The following HS6ST3 variants were observed in gnomAD, a reference collection of about 807,000 sequenced individuals.
The protein encoded by HS6ST3 is heparan-sulfate 6-O-sulfotransferase 3.
Under a neutral mutation model 36.7 loss-of-function variants are expected in HS6ST3, and 12 were observed. That is an observed-to-expected ratio of 0.33 (90% CI 0.21 to 0.53). The LOEUF is 0.53. Among genes scored for constraint, HS6ST3 ranks in the 20% least tolerant of loss-of-function variants. The pLI is 0.95. For synonymous variants in HS6ST3, 240 were observed against 257.5 expected, an observed-to-expected ratio of 0.93 and a Z score of 0.65; for missense variants, 584 against 640.9, an observed-to-expected ratio of 0.91 and a Z score of 0.96.
chr13:96,509,363 A>C (rs919445126), intron 1 of HS6ST3, among the ~76,000 whole-genome samples: 1 of 151,836 alleles, frequency 6.6e-6, no homozygotes, highest in Non-Finnish European at 1.5e-5. Flanking sequence ...ATTAGGTCCC[A>C]TTATTTTTCT....
chr13:96,349,484 T>A (rs1299100060), intron 1 of HS6ST3, among the ~76,000 whole-genome samples: 1 of 152,214 alleles, frequency 6.6e-6, no homozygotes, highest in African/African-American at 2.4e-5. Flanking sequence ...TGAAATAGAA[T>A]GTCACAACAC....
chr13:96,817,614 G>A (rs1005174602), intron 1 of HS6ST3, among the ~76,000 whole-genome samples: 1 of 152,134 alleles, frequency 6.6e-6, no homozygotes, highest in Admixed American at 6.6e-5. Context: ...TTGGATTTTT[G>A]TTGATGGGTC....
chr13:96,686,373 G>T (rs562957606), intron 1 of HS6ST3, among the ~76,000 whole-genome samples: 12 of 152,122 alleles, frequency 7.9e-5, no homozygotes, highest in Middle Eastern at 3.4e-3. Context: ...AAACAGTGCT[G>T]AAATGGTATT....
chr13:96,581,692 A>T (rs1238476166), intron 1 of HS6ST3, among the ~76,000 whole-genome samples: 1 of 152,230 alleles, frequency 6.6e-6, no homozygotes, highest in Non-Finnish European at 1.5e-5. Context: ...AAGGTAATGA[A>T]CAATGTTGAT....
chr13:96,571,607 T>C (rs1012815137), intron 1 of HS6ST3, among the ~76,000 whole-genome samples: 2 of 152,204 alleles, frequency 1.3e-5, no homozygotes, highest in African/African-American at 4.8e-5. Context: ...TCTCTGCTAT[T>C]CTTGCCAAAG....
intron 1 of HS6ST3, among the ~76,000 whole-genome samples, chr13:96,326,803 A>G (rs1449913683): frequency 4.6e-5 from 7 of 151,578 alleles, no homozygotes; most frequent in African/African-American, 1.7e-4. Flanking sequence ...CAACAGTGTA[A>G]AAGTGTTCCT....
chr13:96,179,568 A>T (rs1437995888), intron 1 of HS6ST3, among the ~76,000 whole-genome samples: 1 of 152,198 alleles, frequency 6.6e-6, no homozygotes, highest in African/African-American at 2.4e-5. Context: ...GCATTCACAG[A>T]GTTAATAGTC....
intron 1 of HS6ST3, among the ~76,000 whole-genome samples, chr13:96,286,230 T>G (rs1392983435): frequency 6.6e-6 from 1 of 152,060 alleles, no homozygotes; most frequent in Non-Finnish European, 1.5e-5. Flanking sequence ...GGCAGTTCGT[T>G]CTCCCCTTCT....
intron 1 of HS6ST3, among the ~76,000 whole-genome samples, chr13:96,318,897 G>C (rs1416312166): frequency 6.6e-6 from 1 of 152,004 alleles, no homozygotes; most frequent in African/African-American, 2.4e-5. Flanking sequence ...AATTTTTGAC[G>C]TACAGATATT....
At chr13:96,474,923 AGAG>A (rs1406747827) in intron 1 of HS6ST3, among the ~76,000 whole-genome samples, 1 of 152,220 alleles carries the variant, frequency 6.6e-6, no homozygotes, top group Non-Finnish European at 1.5e-5. Flanking sequence ...TGCAGTGCTG[AGAG>A]GAGAACTCAA....
intron 1 of HS6ST3, among the ~76,000 whole-genome samples, chr13:96,464,042 TTA>T (rs1491174294): frequency 1.5e-4 from 15 of 99,714 alleles, no homozygotes; most frequent in Middle Eastern, 7.0e-3. Flanking sequence ...TTTTTTTTTT[TTA>T]AATAAACACA....
At chr13:96,554,548 G>T (rs1441302091) in intron 1 of HS6ST3, among the ~76,000 whole-genome samples, 3 of 151,994 alleles carry the variant, frequency 2.0e-5, no homozygotes, top group African/African-American at 7.2e-5. Flanking sequence ...GAAGAATCTG[G>T]GCACAATCTC....
At chr13:96,386,620 A>T (rs904714497) in intron 1 of HS6ST3, among the ~76,000 whole-genome samples, 2 of 152,150 alleles carry the variant, frequency 1.3e-5, no homozygotes, top group Non-Finnish European at 2.9e-5. Context: ...TAATCTCAGC[A>T]CTTTGGGAAG....
Position 96,654,720 on chromosome 13 carries a change from G to A in HS6ST3, c.708-177770G>A, listed in dbSNP as rs193222892. Among the ~76,000 whole-genome samples the A allele has an allele frequency of 4.4e-4, 67 of 152,134 alleles. No individual in the cohort carries two copies. In the South Asian group the frequency reaches 4.8e-3, roughly 11 times the overall value. ...AAGAAACACAGGATGAATATGATGC[G>A]ATGTATGAAATATTTTTAATTTTTT... On this transcript the variant is annotated intron_variant, in intron 1 of 1. Coordinates refer to ENST00000376705, the MANE Select transcript of HS6ST3 (RefSeq NM_153456.4).
At chr13:96,815,655 G>T (rs1423918826) in intron 1 of HS6ST3, among the ~76,000 whole-genome samples, 2 of 152,122 alleles carry the variant, frequency 1.3e-5, no homozygotes, top group African/African-American at 4.8e-5. Context: ...GAGAGCAGTT[G>T]TCTGATAAAA....
chr13:96,331,702 G>T (rs1308349049), intron 1 of HS6ST3, among the ~76,000 whole-genome samples: 2 of 152,154 alleles, frequency 1.3e-5, no homozygotes, highest in African/African-American at 4.8e-5. Context: ...GCTGTGGTGG[G>T]CTCCACCCAG....
At chr13:96,659,072 T>G (rs1368437154) in intron 1 of HS6ST3, among the ~76,000 whole-genome samples, 1 of 152,206 alleles carries the variant, frequency 6.6e-6, no homozygotes, top group African/African-American at 2.4e-5. Context: ...GGAGGAAAAA[T>G]ATATGTAGCT....
intron 1 of HS6ST3, among the ~76,000 whole-genome samples, chr13:96,111,482 T>C (rs182132254): frequency 8.4e-4 from 128 of 152,340 alleles, no homozygotes; most frequent in Non-Finnish European, 1.7e-3. Context: ...TTTAATATCT[T>C]GGCTGCTAAG....
chr13:96,564,653 T>C (rs539011199), intron 1 of HS6ST3, among the ~76,000 whole-genome samples: 2 of 152,174 alleles, frequency 1.3e-5, no homozygotes, highest in African/African-American at 2.4e-5. Context: ...AACAAAGAGC[T>C]CCTTAATTAA....
Sources: gnomAD v4.1 joint callset for allele counts (sites outside exome capture counted in the v4.1 genomes callset) on GRCh38, gnomAD v4.1.1 for gene constraint, MANE v1.5 for transcripts, NCBI Gene and HGNC (gene_info 2026-07-23, HGNC 2026-07-21) for gene names.